The following CDC123 variants were observed in gnomAD, a reference collection of about 807,000 sequenced individuals.
CDC123 encodes cell division cycle 123.
In CDC123, 37 loss-of-function variants were observed where a neutral mutation model predicts 54.4. The observed-to-expected ratio is 0.68, with a 90% CI of 0.52 to 0.89. The LOEUF is 0.89. Among genes scored for constraint, CDC123 ranks in the 40% least tolerant of loss-of-function variants. The probability of loss-of-function intolerance (pLI) is 0.00; values close to 1 mark genes in which losing one functional copy is unlikely to be tolerated. For missense variants in CDC123, 361 were observed against 412.1 expected (o/e 0.88, Z 1.07); for synonymous variants, 144 against 136.8 (o/e 1.05, Z -0.37).
intron 2 of CDC123, among the ~76,000 whole-genome samples, chr10:12,200,556 A>G (rs1835426771): frequency 1.3e-5 from 2 of 152,216 alleles, no homozygotes; most frequent in Non-Finnish European, 2.9e-5. Flanking sequence ...CAGTAGTGTA[A>G]ACATGTTGAA....
intron 6 of CDC123, among the ~76,000 whole-genome samples, chr10:12,220,131 C>T (rs1835716633): frequency 6.6e-6 from 1 of 152,136 alleles, no homozygotes; most frequent in African/African-American, 2.4e-5. Context: ...GTGCCTGGCC[C>T]TTATAAGGAT....
intron 6 of CDC123, among the ~76,000 whole-genome samples, chr10:12,228,660 T>C (rs1049681712): frequency 3.9e-5 from 6 of 152,232 alleles, no homozygotes; most frequent in Non-Finnish European, 8.8e-5. Flanking sequence ...AACCTCTGCC[T>C]CCCAGGTTCA....
At position 12,237,242 on chromosome 10, in the gene CDC123, C is replaced by A; in HGVS notation, c.664C>A (p.Gln222Lys). 6.4e-7 allele frequency: 1 copy of A among 1,574,676 alleles called. No homozygotes were observed. The highest frequency in any genetic ancestry group is 8.6e-7 in the Non-Finnish European group (1 of 1,167,616). Residue 222 changes from glutamine to lysine, a missense_variant, in exon 9 of 13, where the codon CAG (glutamine) becomes AAG (lysine). Coordinates refer to ENST00000281141, the MANE Select transcript of CDC123 (RefSeq NM_006023.3). ...CIQDFFKKHI[Q>K]YKFLDEDFVF... ...ACAAGACTTTTTCAAGAAACACATA[C>A]AGTACAAATTCTTAGATGAAGACTG...
rs12570953 is a variant in CDC123, at chr10:12,216,011, C to T, written c.333+176C>T. ...TTTCCGGATTTTGCTATACACTTGCCTGGGTCTGTGAAATACTGTATATTC... is the reference window on the plus strand; with the variant it reads ...TTTCCGGATTTTGCTATACACTTGCTTGGGTCTGTGAAATACTGTATATTC... On this transcript the variant is annotated intron_variant, in intron 5 of 12. Transcript: ENST00000281141. 5.4e-3 allele frequency among the ~76,000 whole-genome samples: 817 copies of T among 152,162 alleles called. 27 individuals are homozygous for T. The East Asian group carries it at 0.075, about 14-fold the overall frequency.
chr10:12,227,128 C>T (rs1251644361), intron 6 of CDC123, among the ~76,000 whole-genome samples: 4 of 152,132 alleles, frequency 2.6e-5, no homozygotes, highest in East Asian at 3.9e-4. Context: ...TGGCGGCGTG[C>T]GCCTGCAATC....
At chr10:12,216,799 C>G (rs1453101133) in intron 5 of CDC123, among the ~76,000 whole-genome samples, 2 of 152,144 alleles carry the variant, frequency 1.3e-5, no homozygotes, top group African/African-American at 4.8e-5. Context: ...AGCTTTGTGC[C>G]TGCTTTGCAT....
intron 9 of CDC123, 24 bp from the exon 10 acceptor site, chr10:12,238,433 A>T (rs776833544): frequency 1.3e-6 from 2 of 1,596,528 alleles, no homozygotes; most frequent in Admixed American, 3.6e-5. Context: ...TTCATTAATA[A>T]CTGACTTTTT....
rs543337462 is a variant in CDC123, at chr10:12,200,120, A to ATTTTTTTTTTT, written c.146+1357_146+1367dup. On this transcript the variant is annotated intron_variant, in intron 2 of 12. Transcript: ENST00000281141. ...ATAGGCCTGAGCCACCGCACTCGGC[A>ATTTTTTTTTTT]TTTTTTTTTTTTTTTTTTTTTTTAA... Among the ~76,000 whole-genome samples, 329 of 59,350 alleles carry ATTTTTTTTTTT rather than the reference A, an allele frequency of 5.5e-3. 64 individuals carry two copies. The East Asian group carries it at 0.077, about 14-fold the overall frequency. The allele number at this position is 59,350 out of a possible 152,430, so 38.9% of individuals were successfully genotyped here. A position where few individuals can be genotyped will look rare whatever the true frequency, so the allele number is the denominator to read the frequency against.
chr10:12,223,153 C>T (rs755930942), intron 6 of CDC123, among the ~76,000 whole-genome samples: 7 of 152,134 alleles, frequency 4.6e-5, no homozygotes, highest in Admixed American at 6.6e-5. Context: ...CTTGGTCTCC[C>T]GAAGTGCTGG....
intron 10 of CDC123, 194 bp from the exon 11 acceptor site, chr10:12,245,955 A>G (rs924157224): frequency 5.8e-6 from 3 of 519,082 alleles, no homozygotes; most frequent in African/African-American, 1.9e-5. Context: ...CTGTAGTCCC[A>G]GGTACTGAGG....
intron 12 of CDC123, chr10:12,249,994 T>C: frequency 2.0e-6 from 1 of 492,526 alleles, no homozygotes; most frequent in Non-Finnish European, 3.5e-6. Context: ...TGTATATTGT[T>C]AGAAGGCTGT....
intron 3 of CDC123, 24 bp from the exon 4 acceptor site, chr10:12,210,266 A>AT (rs770011895): frequency 2.5e-6 from 4 of 1,613,104 alleles, no homozygotes; most frequent in Admixed American, 3.3e-5. Flanking sequence ...TTAATGTTTT[A>AT]TTTTTTTCCT....
intron 9 of CDC123, among the ~76,000 whole-genome samples, chr10:12,237,804 TTTGA>T (rs1313653746): frequency 3.3e-5 from 5 of 152,336 alleles, no homozygotes; most frequent in Non-Finnish European, 7.3e-5. Flanking sequence ...GTTTTAGATG[TTTGA>T]TTGTGTATTT....
At chr10:12,234,759 T>C (rs1835956771) in intron 7 of CDC123, among the ~76,000 whole-genome samples, 1 of 151,592 alleles carries the variant, frequency 6.6e-6, no homozygotes, top group East Asian at 1.9e-4. Flanking sequence ...AATTTTTTTT[T>C]TTTTTTTTTT....
At chr10:12,243,336 T>C (rs887466963) in intron 10 of CDC123, among the ~76,000 whole-genome samples, 3 of 145,594 alleles carry the variant, frequency 2.1e-5, no homozygotes, top group African/African-American at 7.7e-5. Flanking sequence ...AAGGGGAAGT[T>C]GCAGTGAGCC....
At chr10:12,235,213 G>A (rs780280600) in intron 8 of CDC123, 90 bp downstream of exon 8, 1 of 1,044,394 alleles carries the variant, frequency 9.6e-7, no homozygotes, top group South Asian at 1.3e-5. Flanking sequence ...CCAGTAATTA[G>A]GACAGGGATG....
At chr10:12,215,879 G>A (rs1421360219) in intron 5 of CDC123, 44 bp downstream of exon 5, 1 of 1,294,682 alleles carries the variant, frequency 7.7e-7, no homozygotes, top group African/African-American at 1.5e-5. Flanking sequence ...AATATTCTTT[G>A]TTTTGCTGTT....
rs180771434 is a variant in CDC123, at chr10:12,227,795, C to T, written c.441-3153C>T. 2.0e-5 allele frequency among the ~76,000 whole-genome samples: 3 copies of T among 151,908 alleles called. No homozygotes were observed. The East Asian group carries it at 5.8e-4, about 29-fold the overall frequency. The stretch of plus-strand genomic sequence containing the variant: ...ACAGGCGTGAGTCACCGCACCCAGT[C>T]CAAAAATAATTTTCTTAAATAATAG... On this transcript the variant is annotated intron_variant, in intron 6 of 12. Coordinates refer to ENST00000281141, the MANE Select transcript of CDC123 (RefSeq NM_006023.3).
Position 12,225,555 on chromosome 10 carries a change from C to A in CDC123, c.441-5393C>A, listed in dbSNP as rs564031971. Among the ~76,000 whole-genome samples, 3 of 152,170 alleles carry A rather than the reference C, an allele frequency of 2.0e-5. No homozygotes were observed. In the South Asian group the frequency reaches 6.2e-4, roughly 32 times the overall value. On this transcript the variant is annotated intron_variant, in intron 6 of 12. Transcript: ENST00000281141. ...AGAAGCTCTGACACACCCTGAGGTT[C>A]AGCGTGCAGTAAGTAGTTAACTGAA...
Sources: gnomAD v4.1 joint callset for allele counts (sites outside exome capture counted in the v4.1 genomes callset) on GRCh38, gnomAD v4.1.1 for gene constraint, MANE v1.5 for transcripts, NCBI Gene and HGNC (gene_info 2026-07-23, HGNC 2026-07-21) for gene names.